Variants in PDXDC1 observed in about 807,000 individuals in gnomAD.
PDXDC1 encodes pyridoxal-dependent decarboxylase domain-containing protein 1.
PDXDC1 carries 42 observed loss-of-function variants against 100.1 expected under a neutral mutation model. The observed-to-expected ratio is 0.42, with a 90% CI of 0.33 to 0.54. The LOEUF is 0.54. Ranked by LOEUF, PDXDC1 falls within the 20% of genes least tolerant of loss-of-function variation. PDXDC1 has a pLI of 0.10. For missense variants in PDXDC1, 636 were observed against 979.2 expected (o/e 0.65, Z 4.68); for synonymous variants, 260 against 371.7 (o/e 0.70, Z 3.46).
chr16:15,102,652 A>G (rs1335055432), intron 16 of PDXDC1, among the ~76,000 whole-genome samples: 20 of 149,998 alleles, frequency 1.3e-4, no homozygotes, highest in Non-Finnish European at 2.5e-4. Flanking sequence ...ATTTTCAGGG[A>G]AACAGCTTAG....
chr16:15,008,615 G>C (rs1250933785), intron 6 of PDXDC1, among the ~76,000 whole-genome samples, 164 bp from the exon 7 acceptor site: 5 of 150,662 alleles, frequency 3.3e-5, no homozygotes, highest in South Asian at 4.2e-4. Context: ...TTTCGGCTTG[G>C]CTTTCTAAAT....
chr16:15,147,556 T>A, the PDXDC1 span, among the ~76,000 whole-genome samples: 2 of 152,166 alleles, frequency 1.3e-5, no homozygotes, highest in South Asian at 2.1e-4. Context: ...AGACAGAGTT[T>A]CACTCTGTCT....
chr16:15,024,403 ATTC>A (rs2042427866), intron 13 of PDXDC1, among the ~76,000 whole-genome samples: 1 of 129,310 alleles, frequency 7.7e-6, no homozygotes, highest in Non-Finnish European at 1.5e-5. Context: ...CCCGTCCCCA[ATTC>A]TTCTGTTTAT....
At chr16:15,090,725 A>C (rs1322225145) in intron 16 of PDXDC1, among the ~76,000 whole-genome samples, 1 of 152,236 alleles carries the variant, frequency 6.6e-6, no homozygotes, top group Non-Finnish European at 1.5e-5. Flanking sequence ...TTGGAATTTC[A>C]TTCCAGGCAA....
chr16:15,047,704 C>T, intron 16 of PDXDC1: 1 of 889,214 alleles, frequency 1.1e-6, no homozygotes, highest in Non-Finnish European at 1.9e-6. Context: ...CCCATTCTGA[C>T]CAGGACACCA....
At chr16:15,072,805 A>T (rs150269870) in intron 16 of PDXDC1, 1 of 793,896 alleles carries the variant, frequency 1.3e-6, no homozygotes, top group East Asian at 2.7e-5. Flanking sequence ...AAGAAAGGAG[A>T]ATGCGATTTT....
intron 16 of PDXDC1, among the ~76,000 whole-genome samples, chr16:15,097,468 C>CA (rs71152407): frequency 0.49 from 32,160 of 65,908 alleles, 8,327 homozygotes; most frequent in South Asian, 0.6. Flanking sequence ...ACTAAAAATA[C>CA]AAAAAAAAAA....
At chr16:14,985,490 G>A (rs536006973) in intron 1 of PDXDC1, among the ~76,000 whole-genome samples, 22 of 152,088 alleles carry the variant, frequency 1.4e-4, no homozygotes, top group South Asian at 4.1e-4. Context: ...GGTTTCTACT[G>A]TGTTAGCCAG....
At chr16:14,982,818 T>C (rs1421960365) in intron 1 of PDXDC1, among the ~76,000 whole-genome samples, 2 of 152,392 alleles carry the variant, frequency 1.3e-5, no homozygotes, top group East Asian at 3.9e-4. Context: ...TAACTAGTGC[T>C]AGACAGCAGG....
chr16:15,010,600 A>G (rs1956711993), intron 8 of PDXDC1, among the ~76,000 whole-genome samples: 1 of 152,294 alleles, frequency 6.6e-6, no homozygotes, highest in Admixed American at 6.5e-5. Flanking sequence ...AGCAACTACC[A>G]CTTGCTGCTC....
intron 16 of PDXDC1, among the ~76,000 whole-genome samples, chr16:15,124,633 G>C (rs1197606476): frequency 1.3e-5 from 2 of 150,058 alleles, no homozygotes; most frequent in African/African-American, 4.9e-5. Context: ...TTAGCCGGGT[G>C]CGGTGGTGGG....
chr16:15,055,569 G>T (rs1031432389), intron 16 of PDXDC1, among the ~76,000 whole-genome samples: 7 of 152,244 alleles, frequency 4.6e-5, no homozygotes, highest in Admixed American at 1.3e-4. Flanking sequence ...CAGCCCTATG[G>T]GGGCTGCAGC....
At chr16:15,038,333 G>A (rs1048229064), downstream of PDXDC1, 3 of 754,668 alleles carry the variant, frequency 4.0e-6, no homozygotes, top group Non-Finnish European at 2.1e-6. Flanking sequence ...TAAGAAATGA[G>A]GTGGCCTGAA....
intron 16 of PDXDC1, among the ~76,000 whole-genome samples, chr16:15,077,401 A>G (rs1033672539): frequency 6.6e-6 from 1 of 152,048 alleles, no homozygotes; most frequent in Non-Finnish European, 1.5e-5. Context: ...ATAGTGAATA[A>G]GTCTCAAGAG....
At chr16:15,064,468 C>T (rs1403389241) in intron 16 of PDXDC1, among the ~76,000 whole-genome samples, 3 of 152,126 alleles carry the variant, frequency 2.0e-5, no homozygotes, top group Admixed American at 6.5e-5. Flanking sequence ...AGCCATTACG[C>T]CCAGCCAATC....
At chr16:15,003,459 G>A (rs528009221) in intron 4 of PDXDC1, among the ~76,000 whole-genome samples, 20 of 152,250 alleles carry the variant, frequency 1.3e-4, no homozygotes, top group Admixed American at 3.3e-4. Flanking sequence ...CTCGTGATCC[G>A]CCCGCCTTGG....
intron 16 of PDXDC1, chr16:15,092,551 C>T: frequency 6.2e-7 from 1 of 1,613,638 alleles, no homozygotes. Flanking sequence ...TTCCACCAAA[C>T]CGAACAGTTT....
chr16:15,097,895 A>T (rs1315020165), intron 16 of PDXDC1, among the ~76,000 whole-genome samples: 2 of 148,020 alleles, frequency 1.4e-5, no homozygotes, highest in African/African-American at 2.5e-5. Flanking sequence ...TTATAAAGTT[A>T]TCTCCATGCT....
intron 16 of PDXDC1, among the ~76,000 whole-genome samples, chr16:15,079,104 C>G (rs1597949556): frequency 6.6e-6 from 1 of 152,236 alleles, no homozygotes; most frequent in East Asian, 1.9e-4. Context: ...GCCACCACGC[C>G]CGGCCTCCTC....
Sources: gnomAD v4.1 joint callset for allele counts (sites outside exome capture counted in the v4.1 genomes callset) on GRCh38, gnomAD v4.1.1 for gene constraint, MANE v1.5 for transcripts, NCBI Gene and HGNC (gene_info 2026-07-23, HGNC 2026-07-21) for gene names.